Variants in SGCZ observed in about 807,000 individuals in gnomAD.
SGCZ encodes sarcoglycan zeta.
Under a neutral mutation model 41.3 loss-of-function variants are expected in SGCZ, and 40 were observed. The ratio of observed to expected loss-of-function variants is 0.97; its 90% CI spans 0.75 to 1.26. The LOEUF is 1.26. Among genes scored for constraint, SGCZ ranks in the 50% most tolerant of loss-of-function variants. SGCZ has a pLI of 0.00. For missense variants in SGCZ, 552 were observed against 369.8 expected (o/e 1.49, Z -4.04); for synonymous variants, 206 against 137.5 (o/e 1.50, Z -3.49).
chr8:15,095,786 A>G (rs1028850056), intron 1 of SGCZ, among the ~76,000 whole-genome samples: 1 of 152,282 alleles, frequency 6.6e-6, no homozygotes, highest in Middle Eastern at 3.4e-3. Flanking sequence ...ATTGCAGTCG[A>G]GGAGTTGCCA....
At chr8:14,271,164 T>A (rs917612377) in intron 3 of SGCZ, among the ~76,000 whole-genome samples, 21 of 151,944 alleles carry the variant, frequency 1.4e-4, no homozygotes, top group African/African-American at 4.8e-4. Context: ...AACCTGCACG[T>A]TGTGCACATG....
chr8:14,478,615 GT>G lies in SGCZ; in HGVS notation c.234+76116del, dbSNP rs1328983660. On this transcript the variant is annotated intron_variant, in intron 2 of 7. Coordinates refer to ENST00000382080, the MANE Select transcript of SGCZ (RefSeq NM_139167.4). The stretch of plus-strand genomic sequence containing the variant: ...AAAAGACTGTAACTATGGATATTGT[GT>G]TCAGATTTTTTAAAAAATGAAACTG... 2.0e-5 allele frequency among the ~76,000 whole-genome samples: 3 copies of G among 152,202 alleles called. No homozygotes were observed. In the East Asian group the frequency reaches 5.8e-4, roughly 29 times the overall value.
intron 5 of SGCZ, among the ~76,000 whole-genome samples, chr8:14,129,572 A>G (rs1159910030): frequency 6.6e-6 from 1 of 151,934 alleles, no homozygotes; most frequent in African/African-American, 2.4e-5. Context: ...AGGGCTCAGA[A>G]GGAAATTTAA....
At chr8:15,153,747 C>G (rs536888367) in intron 1 of SGCZ, among the ~76,000 whole-genome samples, 1 of 152,162 alleles carries the variant, frequency 6.6e-6, no homozygotes, top group African/African-American at 2.4e-5. Context: ...TTTCTCCAAG[C>G]CTCCTCAGAA....
chr8:14,857,323 T>C (rs1160364206), intron 1 of SGCZ, among the ~76,000 whole-genome samples: 5 of 152,186 alleles, frequency 3.3e-5, no homozygotes, highest in Non-Finnish European at 1.5e-5. Context: ...CAGATATTTC[T>C]TTATAGCAGT....
At chr8:14,968,376 C>T (rs1801186367) in intron 1 of SGCZ, among the ~76,000 whole-genome samples, 1 of 151,986 alleles carries the variant, frequency 6.6e-6, no homozygotes, top group South Asian at 2.1e-4. Flanking sequence ...ACAGAGCAGA[C>T]ATAGAAGGAA....
At chr8:14,415,710 G>T (rs566398474) in intron 2 of SGCZ, among the ~76,000 whole-genome samples, 66 of 151,958 alleles carry the variant, frequency 4.3e-4, no homozygotes, top group Middle Eastern at 3.4e-3. Flanking sequence ...TATTTCCTTG[G>T]AATAACAGTT....
rs1318690089 is a variant in SGCZ, at chr8:14,759,248, C to A, written c.40-204322G>T. Reference sequence around the variant, plus strand: ...GTAAATTTTCTGGGAAGATTTCATACCAGAGAAACTAGGATATTGCTGAGA... The same window carrying A: ...GTAAATTTTCTGGGAAGATTTCATAACAGAGAAACTAGGATATTGCTGAGA... On this transcript the variant is annotated intron_variant, in intron 1 of 7. Coordinates refer to ENST00000382080, the MANE Select transcript of SGCZ (RefSeq NM_139167.4). Among the ~76,000 whole-genome samples, 4 of 151,868 alleles carry A rather than the reference C, an allele frequency of 2.6e-5. No individual in the cohort carries two copies. In the East Asian group the frequency reaches 7.7e-4, roughly 29 times the overall value.
At chr8:14,427,017 G>A (rs1168480187) in intron 2 of SGCZ, among the ~76,000 whole-genome samples, 2 of 150,716 alleles carry the variant, frequency 1.3e-5, no homozygotes, top group African/African-American at 5.0e-5. Context: ...CCTGTTTGCA[G>A]CCCAGTAACA....
intron 5 of SGCZ, among the ~76,000 whole-genome samples, chr8:14,116,472 G>A (rs559279425): frequency 1.9e-4 from 29 of 152,148 alleles, no homozygotes; most frequent in Admixed American, 7.9e-4. Flanking sequence ...ATATGTAATT[G>A]TCATTCATTT....
chr8:14,776,447 T>G (rs1800403501), intron 1 of SGCZ, among the ~76,000 whole-genome samples: 1 of 152,020 alleles, frequency 6.6e-6, no homozygotes, highest in African/African-American at 2.4e-5. Flanking sequence ...GTTTCCTTTA[T>G]AAATTACCCA....
chr8:15,212,542 C>A (rs1160594766), intron 1 of SGCZ, among the ~76,000 whole-genome samples: 1 of 152,016 alleles, frequency 6.6e-6, no homozygotes, highest in Non-Finnish European at 1.5e-5. Flanking sequence ...CACTTTCTAA[C>A]CATTTCAGTA....
At chr8:14,402,693 C>A (rs1304016111) in intron 2 of SGCZ, among the ~76,000 whole-genome samples, 1 of 145,848 alleles carries the variant, frequency 6.9e-6, no homozygotes, top group Non-Finnish European at 1.5e-5. Context: ...TTACTATAGC[C>A]TTGTAGTATA....
chr8:14,868,920 C>A (rs925523667), intron 1 of SGCZ, among the ~76,000 whole-genome samples: 1 of 152,056 alleles, frequency 6.6e-6, no homozygotes, highest in Non-Finnish European at 1.5e-5. Context: ...AGACCAATAA[C>A]AAGTTCTGGA....
chr8:14,086,546 A>C lies in SGCZ; in HGVS notation c.*3897T>G, dbSNP rs1187214419. Among the ~76,000 whole-genome samples the C allele has an allele frequency of 6.6e-6, 1 of 151,730 alleles. No individual in the cohort carries two copies. The highest frequency in any genetic ancestry group is 1.5e-5 in the Non-Finnish European group (1 of 67,756). On this transcript the variant is annotated 3_prime_UTR_variant, in exon 8 of 8. Coordinates refer to ENST00000382080, the MANE Select transcript of SGCZ (RefSeq NM_139167.4). ...TTTCTTCAAAAGATCACTGCTTTTT[A>C]GCTTTATGGAGGTAATAATCACAGA...
intron 5 of SGCZ, among the ~76,000 whole-genome samples, chr8:14,148,897 G>A (rs1049153520): frequency 1.3e-5 from 2 of 152,112 alleles, no homozygotes; most frequent in South Asian, 4.1e-4. Flanking sequence ...CAAACCAATC[G>A]ATGTGGTACA....
At position 14,647,049 on chromosome 8, in the gene SGCZ, G is replaced by A. The variant is rs532783474; in HGVS notation, c.40-92123C>T. Among the ~76,000 whole-genome samples, 14 of 152,054 alleles carry A rather than the reference G, an allele frequency of 9.2e-5. 1 individual carries two copies. Among genetic ancestry groups the A allele is most frequent in the Admixed American group, 7.9e-4 (12 of 15,230 alleles). ...GTGGTCTTGTGGAATATGGAAATGA[G>A]GAGACAAAAAGAAAGGGGAAGCCCA... On this transcript the variant is annotated intron_variant, in intron 1 of 7. Transcript: ENST00000382080.
intron 4 of SGCZ, among the ~76,000 whole-genome samples, chr8:14,204,830 C>T (rs1316008413): frequency 1.3e-5 from 2 of 152,146 alleles, no homozygotes; most frequent in Non-Finnish European, 2.9e-5. Flanking sequence ...CTATCTTCAC[C>T]AGGTTCTCAG....
chr8:14,390,326 T>C (rs1016043377), intron 2 of SGCZ, among the ~76,000 whole-genome samples: 1 of 151,156 alleles, frequency 6.6e-6, no homozygotes, highest in African/African-American at 2.5e-5. Flanking sequence ...CATATTAAAA[T>C]ACGTACTATA....
Sources: allele counts gnomAD v4.1 joint callset (sites outside exome capture counted in the v4.1 genomes callset), GRCh38; gene constraint gnomAD v4.1.1; transcripts MANE v1.5; gene names NCBI Gene and HGNC (gene_info 2026-07-23, HGNC 2026-07-21).